DLG2: variants seen among roughly 807,000 people sequenced by gnomAD.
DLG2 encodes the protein disks large homolog 2.
Under a neutral mutation model 132.5 loss-of-function variants are expected in DLG2, and 45 were observed. The observed-to-expected ratio is 0.34, with a 90% CI of 0.27 to 0.44. The LOEUF (loss-of-function observed/expected upper bound fraction) is 0.44. Ranked by LOEUF, DLG2 falls within the 20% of genes least tolerant of loss-of-function variation. DLG2 has a pLI of 1.00. For synonymous variants in DLG2, 424 were observed against 419.6 expected (o/e 1.01, Z -0.13); for missense variants, 1,045 against 1,196.9 (o/e 0.87, Z 1.87).
At chr11:83,735,298 T>C (rs966073973) in intron 18 of DLG2, among the ~76,000 whole-genome samples, 5 of 152,192 alleles carry the variant, frequency 3.3e-5, no homozygotes, top group Non-Finnish European at 5.9e-5. Flanking sequence ...AATTAGTGTT[T>C]TAGTAAAATT....
chr11:85,249,476 A>G (rs910960856), intron 4 of DLG2, among the ~76,000 whole-genome samples: 6 of 151,984 alleles, frequency 3.9e-5, no homozygotes, highest in African/African-American at 1.2e-4. Context: ...TATAAGATGA[A>G]TGCCCTCCTT....
At chr11:84,916,603 T>G (rs1300207835) in intron 6 of DLG2, among the ~76,000 whole-genome samples, 1 of 152,132 alleles carries the variant, frequency 6.6e-6, no homozygotes, top group Non-Finnish European at 1.5e-5. Context: ...TTCCCCTGGA[T>G]TACTGCAGGA....
At chr11:84,119,255 T>C (rs754535692) in intron 9 of DLG2, among the ~76,000 whole-genome samples, 2 of 152,090 alleles carry the variant, frequency 1.3e-5, no homozygotes, top group Non-Finnish European at 2.9e-5. Context: ...TAAAACCTTA[T>C]TACCCAAATA....
intron 7 of DLG2, among the ~76,000 whole-genome samples, chr11:84,323,009 A>T (rs1243090820): frequency 6.6e-6 from 1 of 152,210 alleles, no homozygotes; most frequent in Non-Finnish European, 1.5e-5. Flanking sequence ...ATTATTATCC[A>T]TAGCAAGTAT....
intron 6 of DLG2, among the ~76,000 whole-genome samples, chr11:85,004,995 T>C (rs368696399): frequency 6.6e-6 from 1 of 152,324 alleles, no homozygotes; most frequent in South Asian, 2.1e-4. Context: ...CCTTTCCCCA[T>C]TGCTTGTTTT....
chr11:83,924,802 T>C (rs2078649833), intron 15 of DLG2, among the ~76,000 whole-genome samples: 1 of 152,166 alleles, frequency 6.6e-6, no homozygotes, highest in East Asian at 1.9e-4. Context: ...GCCAACGTTA[T>C]GATTTCTACA....
At chr11:84,275,672 G>A (rs1433289768) in intron 7 of DLG2, among the ~76,000 whole-genome samples, 1 of 152,182 alleles carries the variant, frequency 6.6e-6, no homozygotes, top group Non-Finnish European at 1.5e-5. Flanking sequence ...ATTTTTGGTA[G>A]TACTTTGGAC....
intron 6 of DLG2, among the ~76,000 whole-genome samples, chr11:84,952,305 G>A (rs1429980801): frequency 1.3e-5 from 2 of 152,134 alleles, no homozygotes; most frequent in African/African-American, 4.8e-5. Context: ...CAGCACTTTG[G>A]GAGGCCGAGG....
At chr11:83,760,364 T>C (rs994557715) in intron 18 of DLG2, among the ~76,000 whole-genome samples, 1 of 152,192 alleles carries the variant, frequency 6.6e-6, no homozygotes, top group Non-Finnish European at 1.5e-5. Flanking sequence ...AGCTGCATAG[T>C]GCAAAAGCTG....
At chr11:85,313,903 A>G (rs2080473919) in intron 3 of DLG2, among the ~76,000 whole-genome samples, 1 of 151,976 alleles carries the variant, frequency 6.6e-6, no homozygotes, top group African/African-American at 2.4e-5. Flanking sequence ...TTTAAAAATC[A>G]ATCTGATCTG....
intron 4 of DLG2, among the ~76,000 whole-genome samples, chr11:85,263,331 C>CGAGCAGG (rs2077040671): frequency 6.6e-6 from 1 of 152,214 alleles, no homozygotes; most frequent in African/African-American, 2.4e-5. Context: ...TGGCTCTCTT[C>CGAGCAGG]ATGGGAGAAT....
chr11:85,502,886 C>T (rs184739187), intron 3 of DLG2, among the ~76,000 whole-genome samples: 1 of 152,184 alleles, frequency 6.6e-6, no homozygotes, highest in East Asian at 1.9e-4. Context: ...ATGTTCATAG[C>T]AGCATTGATT....
At chr11:83,780,694 G>C (rs568233190) in intron 18 of DLG2, among the ~76,000 whole-genome samples, 2 of 152,286 alleles carry the variant, frequency 1.3e-5, no homozygotes, top group Admixed American at 6.5e-5. Context: ...GAATTTGCTT[G>C]ATATTGGTAT....
chr11:83,650,726 C>T (rs2153516444), intron 18 of DLG2, among the ~76,000 whole-genome samples: 1 of 152,298 alleles, frequency 6.6e-6, no homozygotes, highest in East Asian at 1.9e-4. Flanking sequence ...AATTCATACA[C>T]AAATTCTAGC....
At chr11:84,968,359 T>A (rs2053605599) in intron 6 of DLG2, among the ~76,000 whole-genome samples, 1 of 152,096 alleles carries the variant, frequency 6.6e-6, no homozygotes, top group African/African-American at 2.4e-5. Flanking sequence ...AACTTCTGTG[T>A]GGGGAGTGGT....
intron 14 of DLG2, among the ~76,000 whole-genome samples, chr11:83,950,098 C>A (rs144728674): frequency 6.6e-6 from 1 of 152,088 alleles, no homozygotes; most frequent in East Asian, 1.9e-4. Flanking sequence ...AGTTACCTCA[C>A]GTGTAAAAGG....
At chr11:84,412,326 C>A (rs2098910557) in intron 7 of DLG2, among the ~76,000 whole-genome samples, 1 of 151,236 alleles carries the variant, frequency 6.6e-6, no homozygotes, top group Non-Finnish European at 1.5e-5. Flanking sequence ...TTCAACATAC[C>A]CTGATTGTGC....
At chr11:83,531,365 C>T (rs1257216479) in intron 21 of DLG2, among the ~76,000 whole-genome samples, 1 of 151,980 alleles carries the variant, frequency 6.6e-6, no homozygotes, top group Non-Finnish European at 1.5e-5. Flanking sequence ...AAACATTTCT[C>T]CAAATAATAT....
Position 84,506,104 on chromosome 11 carries a change from C to G in DLG2, c.519+28466G>C, listed in dbSNP as rs570188758. 3.3e-4 allele frequency among the ~76,000 whole-genome samples: 22 copies of G among 67,318 alleles called. No individual in the cohort carries two copies. The East Asian group carries it at 5.4e-3, about 17-fold the overall frequency. The allele number at this position is 67,318 out of a possible 152,430, so 44.2% of individuals were successfully genotyped here. A position where few individuals can be genotyped will look rare whatever the true frequency, so the allele number is the denominator to read the frequency against. ...CTTTTTTTTTTTTTTGAGACGGAGT[C>G]TAGCTCTGTCGCCCAGGCTGGAGTG... On this transcript the variant is annotated intron_variant, in intron 7 of 27. Transcript: ENST00000376104.
Sources: allele counts gnomAD v4.1 joint callset (sites outside exome capture counted in the v4.1 genomes callset), GRCh38; gene constraint gnomAD v4.1.1; transcripts MANE v1.5; gene names NCBI Gene and HGNC (gene_info 2026-07-23, HGNC 2026-07-21).